Variants in HDAC4 observed in about 807,000 individuals in gnomAD.
HDAC4 encodes the protein histone deacetylase A.
Under a neutral mutation model 135.1 loss-of-function variants are expected in HDAC4, and 16 were observed. That is an observed-to-expected ratio of 0.12 (90% confidence interval 0.08 to 0.18). The LOEUF (loss-of-function observed/expected upper bound fraction) is 0.18. Ranked by LOEUF, HDAC4 falls within the 10% of genes least tolerant of loss-of-function variation. The probability of loss-of-function intolerance (pLI) is 1.00; values close to 1 mark genes in which losing one functional copy is unlikely to be tolerated. For synonymous variants in HDAC4, 685 were observed against 653.4 expected (o/e 1.05, Z -0.74); for missense variants, 1,143 against 1,511.8 (o/e 0.76, Z 4.05).
At chr2:239,116,358 A>G (rs768572814) in intron 12 of HDAC4, among the ~76,000 whole-genome samples, 3 of 152,160 alleles carry the variant, frequency 2.0e-5, no homozygotes, top group Non-Finnish European at 2.9e-5. Flanking sequence ...TCCCTTCTCT[A>G]GGACCTGTTC....
chr2:239,057,755 CACT>C (rs2032096384), intron 24 of HDAC4, among the ~76,000 whole-genome samples: 1 of 152,196 alleles, frequency 6.6e-6, no homozygotes, highest in Non-Finnish European at 1.5e-5. Context: ...TCCCAAGGGA[CACT>C]CTAGTGGATG....
intron 1 of HDAC4, among the ~76,000 whole-genome samples, chr2:239,380,356 T>C (rs1559397329): frequency 6.6e-6 from 1 of 152,300 alleles, no homozygotes; most frequent in East Asian, 1.9e-4. Context: ...ATGTTATAAA[T>C]ACACATTTAC....
At chr2:239,209,443 T>C (rs182333203) in intron 3 of HDAC4, among the ~76,000 whole-genome samples, 2 of 152,310 alleles carry the variant, frequency 1.3e-5, no homozygotes, top group African/African-American at 4.8e-5. Flanking sequence ...CAAATGCAGC[T>C]GGGACAAACA....
At chr2:239,112,036 C>A (rs887261281) in intron 13 of HDAC4, among the ~76,000 whole-genome samples, 1 of 152,160 alleles carries the variant, frequency 6.6e-6, no homozygotes, top group African/African-American at 2.4e-5. Flanking sequence ...CCCAGGGAGG[C>A]CTGGCCCAGT....
At chr2:239,195,102 G>GCT (rs1243832160) in intron 3 of HDAC4, among the ~76,000 whole-genome samples, 2 of 152,204 alleles carry the variant, frequency 1.3e-5, no homozygotes, top group African/African-American at 4.8e-5. Flanking sequence ...ACCGAGGCTG[G>GCT]GGAGTCGGGC....
chr2:239,124,962 T>C (rs2152845080), intron 12 of HDAC4, among the ~76,000 whole-genome samples: 1 of 150,648 alleles, frequency 6.6e-6, no homozygotes, highest in East Asian at 2.0e-4. Context: ...TTATGTGACA[T>C]TCTGGTGTGC....
At chr2:239,320,111 G>C (rs2053257026) in intron 2 of HDAC4, among the ~76,000 whole-genome samples, 1 of 152,166 alleles carries the variant, frequency 6.6e-6, no homozygotes, top group Non-Finnish European at 1.5e-5. Flanking sequence ...GGCTGAGAAA[G>C]TGATAAATCA....
chr2:239,195,222 G>C (rs915832245), intron 3 of HDAC4, among the ~76,000 whole-genome samples: 1 of 152,226 alleles, frequency 6.6e-6, no homozygotes, highest in Non-Finnish European at 1.5e-5. Flanking sequence ...ACTGCCACGT[G>C]AAACTCCACT....
At chr2:239,280,101 T>C (rs13414769) in intron 2 of HDAC4, among the ~76,000 whole-genome samples, 66,774 of 151,846 alleles carry the variant, frequency 0.44, 16,015 homozygotes, top group African/African-American at 0.63. Flanking sequence ...GCCATGCTGA[T>C]GAAATCTCCT....
chr2:239,145,165 G>C (rs941831145), intron 7 of HDAC4, among the ~76,000 whole-genome samples: 8 of 152,226 alleles, frequency 5.3e-5, no homozygotes, highest in Non-Finnish European at 1.0e-4. Flanking sequence ...AAGACTGACA[G>C]GGATGTGAGG....
chr2:239,258,506 A>T (rs988439442), intron 2 of HDAC4, among the ~76,000 whole-genome samples: 7 of 152,252 alleles, frequency 4.6e-5, no homozygotes, highest in African/African-American at 1.7e-4. Context: ...TATCTTTCAC[A>T]GTGCAGAAGG....
intron 1 of HDAC4, among the ~76,000 whole-genome samples, chr2:239,387,309 AT>A (rs1338523514): frequency 1.3e-5 from 2 of 152,096 alleles, no homozygotes; most frequent in African/African-American, 4.8e-5. Flanking sequence ...TGGCCAGAAG[AT>A]CCCCCGGTGC....
At chr2:239,140,075 A>G (rs1489983772) in intron 8 of HDAC4, among the ~76,000 whole-genome samples, 1 of 152,270 alleles carries the variant, frequency 6.6e-6, no homozygotes. Context: ...CACCAAAAAG[A>G]TAAATCCTTA....
At chr2:239,250,223 C>G (rs1195823485) in intron 2 of HDAC4, among the ~76,000 whole-genome samples, 1 of 152,258 alleles carries the variant, frequency 6.6e-6, no homozygotes, top group African/African-American at 2.4e-5. Flanking sequence ...GTCCAGACAT[C>G]ACCTTAGGTG....
intron 1 of HDAC4, among the ~76,000 whole-genome samples, chr2:239,364,976 C>T (rs1269011586): frequency 1.3e-5 from 2 of 152,112 alleles, no homozygotes; most frequent in South Asian, 2.1e-4. Flanking sequence ...ACAGGGAATT[C>T]CCAAAGAGGT....
At chr2:239,204,230 C>T (rs2153080918) in intron 3 of HDAC4, among the ~76,000 whole-genome samples, 1 of 152,350 alleles carries the variant, frequency 6.6e-6, no homozygotes, top group Non-Finnish European at 1.5e-5. Context: ...CGTCCCCATG[C>T]TGTGCAGGTG....
chr2:239,141,148 A>G lies in HDAC4; in HGVS notation c.866-1352T>C, dbSNP rs2041348748. Among the ~76,000 whole-genome samples, 1 of 152,094 alleles carries G rather than the reference A, an allele frequency of 6.6e-6. No homozygotes were observed. The highest frequency in any genetic ancestry group is 1.5e-5 in the Non-Finnish European group (1 of 68,002). On this transcript the variant is annotated intron_variant, in intron 8 of 26. Transcript: ENST00000543185. The surrounding 1 kb of genome is among the most constrained non-coding windows in gnomAD (Gnocchi z 4.9). ...GGCCACGTGGCTTGAGGGAACTGTC[A>G]TGGGCGTCTGCATACCAGAGTTAAC... is the stretch of plus-strand genomic sequence containing the variant.
At chr2:239,254,457 T>A (rs2048949146) in intron 2 of HDAC4, among the ~76,000 whole-genome samples, 1 of 149,596 alleles carries the variant, frequency 6.7e-6, no homozygotes. Flanking sequence ...GAAACTATCA[T>A]GAAGGAAAAA....
At chr2:239,254,384 T>A (rs1412671471) in intron 2 of HDAC4, among the ~76,000 whole-genome samples, 2 of 137,728 alleles carry the variant, frequency 1.5e-5, no homozygotes, top group African/African-American at 2.7e-5. Context: ...TCCACAAATA[T>A]TAAAACAATG....
Sources: gnomAD v4.1 joint callset for allele counts (sites outside exome capture counted in the v4.1 genomes callset) on GRCh38, gnomAD v4.1.1 for gene constraint, Gnocchi (gnomAD v3.1) non-coding constraint, MANE v1.5 for transcripts, NCBI Gene and HGNC (gene_info 2026-07-23, HGNC 2026-07-21) for gene names.